Variants in ZNF85 observed in about 807,000 individuals in gnomAD.
ZNF85 encodes zinc finger protein 85.
Under a neutral mutation model 53.9 loss-of-function variants are expected in ZNF85, and 50 were observed. That is an observed-to-expected ratio of 0.93 (90% CI 0.74 to 1.17). The LOEUF (loss-of-function observed/expected upper bound fraction) is 1.17, where lower values mean the gene tolerates loss of function less well. Ranked by LOEUF, ZNF85 falls within the 50% of genes most tolerant of loss-of-function variation. The pLI is 0.00. For missense variants in ZNF85, 747 were observed against 688.5 expected (o/e 1.08, Z -0.95); for synonymous variants, 225 against 226.1 (o/e 1.00, Z 0.04).
intron 3 of ZNF85, chr19:20,945,631 T>C (rs150268908): frequency 0.11 from 17,201 of 152,210 alleles, 1,009 homozygotes; most frequent in Non-Finnish European, 0.13. Flanking sequence ...ATTACAGGCA[T>C]GCGCCACCAT....
chr19:20,932,869 C>T (rs1439613420), intron 1 of ZNF85, among the ~76,000 whole-genome samples: 1 of 152,034 alleles, frequency 6.6e-6, no homozygotes, highest in Non-Finnish European at 1.5e-5. Flanking sequence ...GATGCTGTGT[C>T]ATTTCATGTG....
At chr19:20,931,233 T>C (rs1973010181) in intron 1 of ZNF85, among the ~76,000 whole-genome samples, 1 of 152,198 alleles carries the variant, frequency 6.6e-6, no homozygotes, top group South Asian at 2.1e-4. Context: ...ATGGACTCTT[T>C]TCAAACCTGC....
At chr19:20,928,886 A>C (rs1459368322) in intron 1 of ZNF85, among the ~76,000 whole-genome samples, 1 of 151,868 alleles carries the variant, frequency 6.6e-6, no homozygotes, top group Non-Finnish European at 1.5e-5. Flanking sequence ...TTTTCTTTTA[A>C]CTTTTGATTT....
chr19:20,935,319 G>T (rs143288141), intron 3 of ZNF85, among the ~76,000 whole-genome samples: 1,914 of 152,248 alleles, frequency 0.013, 37 homozygotes, highest in African/African-American at 0.037. Context: ...AAGAGACTGC[G>T]CAGTCTGGCT....
intron 3 of ZNF85, among the ~76,000 whole-genome samples, chr19:20,936,084 GTTTTC>G (rs1485459326): frequency 2.6e-5 from 4 of 150,974 alleles, no homozygotes; most frequent in African/African-American, 9.8e-5. Flanking sequence ...AAATAAGATT[GTTTTC>G]TTTATCAGAT....
intron 3 of ZNF85, chr19:20,946,261 C>T (rs1305719718): frequency 2.7e-6 from 1 of 370,458 alleles, no homozygotes; most frequent in African/African-American, 2.2e-5. Flanking sequence ...AATTTTAGTT[C>T]TAAAAAATTT....
At chr19:20,941,737 A>G (rs909312574) in intron 3 of ZNF85, among the ~76,000 whole-genome samples, 5 of 152,180 alleles carry the variant, frequency 3.3e-5, no homozygotes, top group Non-Finnish European at 4.4e-5. Context: ...ATTTTTAGCT[A>G]TTTCCTAGGA....
At chr19:20,940,627 C>CA (rs138193261) in intron 3 of ZNF85, among the ~76,000 whole-genome samples, 1,806 of 152,074 alleles carry the variant, frequency 0.012, 31 homozygotes, top group African/African-American at 0.034. Context: ...CTTGTAAAAC[C>CA]AAACTCAATA....
intron 1 of ZNF85, among the ~76,000 whole-genome samples, chr19:20,926,319 G>C (rs779952939): frequency 6.8e-4 from 104 of 152,192 alleles, no homozygotes; most frequent in Non-Finnish European, 1.3e-3. Flanking sequence ...GTACCTCCTA[G>C]AAGTGTTCCC....
At chr19:20,941,690 T>C (rs1432910864) in intron 3 of ZNF85, among the ~76,000 whole-genome samples, 1 of 152,272 alleles carries the variant, frequency 6.6e-6, no homozygotes, top group African/African-American at 2.4e-5. Flanking sequence ...GTTTATACAT[T>C]CTCAATGTTA....
intron 1 of ZNF85, among the ~76,000 whole-genome samples, chr19:20,930,038 T>C (rs549823887): frequency 6.1e-5 from 9 of 148,310 alleles, no homozygotes; most frequent in Middle Eastern, 3.6e-3. Context: ...GGAGAATCTC[T>C]TGAGCCCAGG....
At chr19:20,929,250 A>G (rs1972952484) in intron 1 of ZNF85, among the ~76,000 whole-genome samples, 1 of 150,486 alleles carries the variant, frequency 6.6e-6, no homozygotes. Context: ...GTGCAATGGC[A>G]TGATCTCAGC....
At chr19:20,927,853 C>G in intron 1 of ZNF85, 1 of 152,294 alleles carries the variant, frequency 6.6e-6, no homozygotes. Flanking sequence ...CTACACTCCA[C>G]CCTGGCGACA....
chr19:20,945,344 C>A (rs35959824), intron 3 of ZNF85, among the ~76,000 whole-genome samples: 17,212 of 152,218 alleles, frequency 0.11, 1,010 homozygotes, highest in Non-Finnish European at 0.13. Context: ...AAGGTTGTAA[C>A]TGCTTTAAAT....
chr19:20,923,466 G>A lies in ZNF85; in HGVS notation c.3+63G>A, dbSNP rs1379239786. ...GGTTGGTTGAAACCGGTGGGAAGCG[G>A]CTGTGGCGGGACTCAGGCCTCCCTG... On this transcript the variant is annotated intron_variant, in intron 1 of 3. Transcript: ENST00000328178. The A allele has an allele frequency of 1.4e-5, 22 of 1,611,496 alleles. No individual in the cohort carries two copies. In the Admixed American group the frequency reaches 3.7e-4, roughly 27 times the overall value.
intron 3 of ZNF85, among the ~76,000 whole-genome samples, chr19:20,947,358 G>C (rs1005924404): frequency 2.6e-5 from 4 of 151,490 alleles, no homozygotes; most frequent in African/African-American, 9.7e-5. Context: ...TAATGCTAAG[G>C]AATTCTAATT....
intron 3 of ZNF85, chr19:20,943,617 G>T (rs1413061098): frequency 1.3e-5 from 2 of 152,076 alleles, no homozygotes; most frequent in African/African-American, 2.4e-5. Context: ...AATATATTCT[G>T]TAACGTTGTC....
intron 3 of ZNF85, 32 bp from the exon 4 acceptor site, chr19:20,948,712 G>T: frequency 1.4e-6 from 2 of 1,438,668 alleles, no homozygotes; most frequent in Non-Finnish European, 1.9e-6. Context: ...AGTCTAGCAA[G>T]TGGAGTAATT....
chr19:20,935,145 T>C, intron 3 of ZNF85, 98 bp downstream of exon 3: 1 of 749,400 alleles, frequency 1.3e-6, no homozygotes, highest in African/African-American at 1.8e-5. Context: ...GAAGCTGTGT[T>C]CCAAAGAAAA....
Sources: gnomAD v4.1 joint callset for allele counts (sites outside exome capture counted in the v4.1 genomes callset) on GRCh38, gnomAD v4.1.1 for gene constraint, MANE v1.5 for transcripts, NCBI Gene and HGNC (gene_info 2026-07-23, HGNC 2026-07-21) for gene names.